Variants in SRSF3 observed in about 807,000 individuals in gnomAD.
SRSF3 encodes the protein serine/arginine-rich splicing factor 3.
For missense variants in SRSF3, 58 were observed against 217.1 expected (o/e 0.27, Z 4.61); for synonymous variants, 87 against 73.6 (o/e 1.18, Z -0.93).
At chr6:36,596,725 T>G in intron 1 of SRSF3, 36 bp from the exon 2 acceptor site, 1 of 1,578,858 alleles carries the variant, frequency 6.3e-7, no homozygotes, top group Non-Finnish European at 8.7e-7. Context: ...TGTAGATGTT[T>G]AGATGAATGA....
Position 36,596,873 on chromosome 6 carries a change from A to G in SRSF3, c.111A>G (p.Arg37=). ...ERAFGYYGPL[R]SVWVARNPPG... is the part of the protein sequence containing the mutation. ...CTTTTGGCTACTATGGACCACTCCG[A>G]AGTGTGTGGGTTGCTAGAAACCCAC... The change falls in exon 2 of 6, where the codon CGA becomes CGG. Residue 37 remains arginine (R), a synonymous_variant. Transcript: ENST00000373715. 1 of 1,614,116 alleles carries G rather than the reference A, an allele frequency of 6.2e-7. No homozygotes were observed. Among genetic ancestry groups the G allele is most frequent in the South Asian group, 1.1e-5 (1 of 91,076 alleles).
In SRSF3 at chr6:36,604,467, A is replaced by C. The variant is rs1778778844; in HGVS notation, c.*2478A>C. The C allele has an allele frequency of 5.5e-6, 1 of 183,092 alleles. No homozygotes were observed. The highest frequency in any genetic ancestry group is 2.4e-5 in the African/African-American group (1 of 42,498). The allele number at this position is 183,092 out of a possible 1,614,324, so 11.3% of individuals were successfully genotyped here. A position where few individuals can be genotyped will look rare whatever the true frequency, so the allele number is the denominator to read the frequency against. ...TCTATTAAAAGGAATATTTAGTTTG[A>C]TCTCTGGTTCACAGTTCATTGTGGG... On this transcript the variant is annotated 3_prime_UTR_variant, in exon 6 of 6. Coordinates refer to ENST00000373715, the MANE Select transcript of SRSF3 (RefSeq NM_003017.5).
In SRSF3 at chr6:36,597,028, A is replaced by G. The variant is rs1334248081; in HGVS notation, c.206+60A>G. Reference sequence around the variant, plus strand: ...CTTGTGTTTTTCATATTTAAAATCTACAGGATATGTGGCTCTTAGATGGCT... The same window carrying G: ...CTTGTGTTTTTCATATTTAAAATCTGCAGGATATGTGGCTCTTAGATGGCT... On this transcript the variant is annotated intron_variant, in intron 2 of 5. Transcript: ENST00000373715. 4 of 1,520,818 alleles carry G rather than the reference A, an allele frequency of 2.6e-6. No individual in the cohort carries two copies. In the Admixed American group the frequency reaches 5.1e-5, roughly 19 times the overall value. The allele number at this position is 1,520,818 out of a possible 1,614,324, so 94.2% of individuals were successfully genotyped here.
chr6:36,599,660 C>A, intron 3 of SRSF3: 1 of 502,388 alleles, frequency 2.0e-6, no homozygotes, highest in East Asian at 6.9e-5. Flanking sequence ...GACAGGAGTT[C>A]AAAATCTTGC....
At chr6:36,601,015 T>TTTTTTTTTTTTTTTTC (rs1562013465) in intron 3 of SRSF3, 137 bp from the exon 4 acceptor site, 2 of 316,020 alleles carry the variant, frequency 6.3e-6, no homozygotes, top group African/African-American at 4.8e-5. Context: ...TTTTTTTTTT[T>TTTTTTTTTTTTTTTTC]TTTTTTTTTT....
At chr6:36,598,604 G>A (rs1416962388) in intron 2 of SRSF3, 2 of 402,842 alleles carry the variant, frequency 5.0e-6, no homozygotes, top group Admixed American at 4.2e-5. Flanking sequence ...AGATAGTGTC[G>A]AACTCTTGAC....
chr6:36,599,768 ATT>A, intron 3 of SRSF3: 1 of 1,281,236 alleles, frequency 7.8e-7, no homozygotes, highest in African/African-American at 1.5e-5. Context: ...CTTGTTTTTC[ATT>A]TTTTTTGTGC....
rs1033824329 is a variant in SRSF3, at chr6:36,604,318, CACTG to C, written c.*2330_*2333del. 46 of 212,526 alleles carry C rather than the reference CACTG, an allele frequency of 2.2e-4. No individual in the cohort carries two copies. The highest frequency in any genetic ancestry group is 1.0e-3 in the African/African-American group (45 of 44,202). 13.2% of individuals were successfully genotyped at this position (212,526 alleles called of 1,614,324 possible). ...GATTATATTTGATTGTTTTCAAAGA[CACTG>C]GCTGGATGTGGTGGCTCACACTTGT... On this transcript the variant is annotated 3_prime_UTR_variant, in exon 6 of 6. Transcript: ENST00000373715.
At chr6:36,599,670 C>A (rs1293395021) in intron 3 of SRSF3, 3 of 545,610 alleles carry the variant, frequency 5.5e-6, no homozygotes, top group Non-Finnish European at 6.2e-6. Flanking sequence ...CAAAATCTTG[C>A]CCCTTTTGCT....
intron 2 of SRSF3, chr6:36,598,329 A>C (rs562397080): frequency 6.6e-6 from 1 of 152,476 alleles, no homozygotes; most frequent in East Asian, 1.9e-4. Flanking sequence ...TACTTTAGAA[A>C]ATCCTATTTG....
At position 36,600,992 on chromosome 6, in the gene SRSF3, CTTTTTTTTCTTTT is replaced by C. The variant is rs1778702429; in HGVS notation, c.342-151_342-139del. 5 of 340,304 alleles carry C rather than the reference CTTTTTTTTCTTTT, an allele frequency of 1.5e-5. No individual in the cohort carries two copies. In the Admixed American group the frequency reaches 2.1e-4, roughly 14 times the overall value. The allele number at this position is 340,304 out of a possible 1,614,324, so 21.1% of individuals were successfully genotyped here. On this transcript the variant is annotated intron_variant, in intron 3 of 5. Transcript: ENST00000373715. Reference sequence around the variant, plus strand: ...TCCTTCTGTGCCTTTTTTTTCTTTTCTTTTTTTTCTTTTTTTTTTTTTTTTTTTTTTTTTGGAC... The same window carrying C: ...TCCTTCTGTGCCTTTTTTTTCTTTTCTTTTTTTTTTTTTTTTTTTTTGGAC...
chr6:36,603,027 T>A lies in SRSF3; in HGVS notation c.*1038T>A, dbSNP rs1778744176. On this transcript the variant is annotated 3_prime_UTR_variant, in exon 6 of 6. Transcript: ENST00000373715. ...ACAGCTGAGAGGCACTATGGATTAG[T>A]CTTCTGAAGTGAAGGAAATATAGAT... 4.5e-6 allele frequency: 1 copy of A among 221,900 alleles called. No homozygotes were observed. Among genetic ancestry groups the A allele is most frequent in the Non-Finnish European group, 9.0e-6 (1 of 110,696 alleles). 13.7% of individuals were successfully genotyped at this position (221,900 alleles called of 1,614,324 possible).
intron 4 of SRSF3, 170 bp from the exon 5 acceptor site, chr6:36,601,538 C>G (rs1778716511): frequency 4.7e-6 from 3 of 644,900 alleles, no homozygotes; most frequent in Non-Finnish European, 5.3e-6. Flanking sequence ...GAGATGGGAT[C>G]TCACTTTGTT....
In SRSF3 at chr6:36,596,463, A is replaced by T. The variant is rs4140594; in HGVS notation, c.-2-298A>T. On this transcript the variant is annotated intron_variant, in intron 1 of 5. Coordinates refer to ENST00000373715, the MANE Select transcript of SRSF3 (RefSeq NM_003017.5). ...TTAAGTCTCTTAACTCACGGCCCAG[A>T]TGGTGGTAAATGCTCCTCCAGTTGT... 2.0e-5 allele frequency among the ~76,000 whole-genome samples: 3 copies of T among 149,664 alleles called. No homozygotes were observed. The East Asian group carries it at 6.0e-4, about 30-fold the overall frequency.
At chr6:36,598,654 T>C in intron 2 of SRSF3, 195 bp from the exon 3 acceptor site, 2 of 589,234 alleles carry the variant, frequency 3.4e-6, no homozygotes, top group South Asian at 4.3e-5. Context: ...AGTGTTGGGA[T>C]TACAGGCGTG....
intron 5 of SRSF3, 57 bp from the exon 6 acceptor site, chr6:36,601,905 A>C (rs1427043945): frequency 1.6e-5 from 26 of 1,584,292 alleles, no homozygotes; most frequent in Non-Finnish European, 1.7e-6. Context: ...ATGTCACTAA[A>C]GTGTCACCAA....
intron 4 of SRSF3, 44 bp downstream of exon 4, chr6:36,601,234 G>C (rs1562013588): frequency 1.9e-6 from 3 of 1,605,534 alleles, no homozygotes. Flanking sequence ...AAATGGCAGT[G>C]TTTCTGCTAT....
In SRSF3 at chr6:36,597,171, C is replaced by G. The variant is rs1778644486; in HGVS notation, c.206+203C>G. 8.7e-6 allele frequency: 5 copies of G among 572,948 alleles called. No individual in the cohort carries two copies. In the Admixed American group the frequency reaches 1.4e-4, roughly 16 times the overall value. 35.5% of individuals were successfully genotyped at this position (572,948 alleles called of 1,614,324 possible). On this transcript the variant is annotated intron_variant, in intron 2 of 5. Transcript: ENST00000373715. ...CTGGGCTGGAGTGCAGTGGTACAGT[C>G]TCCCGCTCCCCGCAACCTCGGCCTC...
chr6:36,595,266 A>G (rs1292336877), intron 1 of SRSF3, among the ~76,000 whole-genome samples: 1 of 152,242 alleles, frequency 6.6e-6, no homozygotes, highest in African/African-American at 2.4e-5. Context: ...CTCAGTAATA[A>G]AGCTTTATCA....
Sources: allele counts gnomAD v4.1 joint callset (sites outside exome capture counted in the v4.1 genomes callset), GRCh38; gene constraint gnomAD v4.1.1; transcripts MANE v1.5; gene names NCBI Gene and HGNC (gene_info 2026-07-23, HGNC 2026-07-21).